The following STK32B variants were observed in gnomAD, a reference collection of about 807,000 sequenced individuals.
STK32B encodes the protein serine/threonine-protein kinase 32B.
Under a neutral mutation model 52.6 loss-of-function variants are expected in STK32B, and 43 were observed. The observed-to-expected ratio is 0.82, with a 90% CI of 0.64 to 1.05. The LOEUF (loss-of-function observed/expected upper bound fraction) is 1.05, where lower values mean the gene tolerates loss of function less well. Ranked by LOEUF, STK32B falls within the 50% of genes least tolerant of loss-of-function variation. The probability of loss-of-function intolerance (pLI) is 0.00; values close to 1 mark genes in which losing one functional copy is unlikely to be tolerated. For synonymous variants in STK32B, 238 were observed against 204.3 expected, an observed-to-expected ratio of 1.17 and a Z score of -1.41; for missense variants, 621 against 534.6, an observed-to-expected ratio of 1.16 and a Z score of -1.59.
intron 3 of STK32B, among the ~76,000 whole-genome samples, chr4:5,280,857 C>T (rs1223572770): frequency 6.6e-6 from 1 of 152,062 alleles, no homozygotes; most frequent in Non-Finnish European, 1.5e-5. Flanking sequence ...CGACATCGTA[C>T]CACTGCACTC....
chr4:5,361,049 T>A (rs1381623336), intron 4 of STK32B, among the ~76,000 whole-genome samples: 1 of 152,218 alleles, frequency 6.6e-6, no homozygotes, highest in Non-Finnish European at 1.5e-5. Context: ...GGGTACTAGG[T>A]ACTTCATATA....
intron 1 of STK32B, among the ~76,000 whole-genome samples, chr4:5,053,920 A>G (rs535619732): frequency 6.6e-6 from 1 of 152,242 alleles, no homozygotes; most frequent in Non-Finnish European, 1.5e-5. Flanking sequence ...CGGAGGTTGC[A>G]GTGAGCTGAG....
At chr4:5,147,667 G>C (rs912639035) in intron 2 of STK32B, among the ~76,000 whole-genome samples, 15 of 151,792 alleles carry the variant, frequency 9.9e-5, no homozygotes, top group African/African-American at 3.4e-4. Flanking sequence ...TTTGTGCATT[G>C]GTTGAAATGA....
intron 3 of STK32B, among the ~76,000 whole-genome samples, chr4:5,327,974 A>G (rs930199660): frequency 6.6e-6 from 1 of 152,206 alleles, no homozygotes; most frequent in Non-Finnish European, 1.5e-5. Context: ...CAGCTTCTCC[A>G]TCAACACCTG....
At chr4:5,210,257 C>T (rs936866061) in intron 3 of STK32B, among the ~76,000 whole-genome samples, 5 of 152,090 alleles carry the variant, frequency 3.3e-5, no homozygotes, top group Non-Finnish European at 1.5e-5. Context: ...TTCTCCTCCT[C>T]CTCCTCCTCA....
At chr4:5,423,050 G>T (rs144339745) in intron 6 of STK32B, among the ~76,000 whole-genome samples, 20 of 152,232 alleles carry the variant, frequency 1.3e-4, no homozygotes, top group African/African-American at 4.8e-4. Context: ...GAGCAGACAG[G>T]GCAAAGCACA....
chr4:5,491,940 C>T (rs894769142), intron 11 of STK32B, among the ~76,000 whole-genome samples: 1 of 152,160 alleles, frequency 6.6e-6, no homozygotes, highest in Non-Finnish European at 1.5e-5. Flanking sequence ...TGATGTATAT[C>T]TCTCTTTTGG....
chr4:5,372,484 A>C (rs1210583412), intron 4 of STK32B, among the ~76,000 whole-genome samples: 2 of 152,136 alleles, frequency 1.3e-5, no homozygotes, highest in East Asian at 3.8e-4. Context: ...TTCACATTCG[A>C]GACACGGCCA....
At chr4:5,444,299 TGTG>T (rs1715147023) in intron 6 of STK32B, among the ~76,000 whole-genome samples, 1 of 152,142 alleles carries the variant, frequency 6.6e-6, no homozygotes, top group Non-Finnish European at 1.5e-5. Context: ...GATATAATCT[TGTG>T]GTGCACCGTT....
intron 3 of STK32B, among the ~76,000 whole-genome samples, chr4:5,251,544 T>C (rs921965896): frequency 1.3e-5 from 2 of 152,164 alleles, no homozygotes; most frequent in Non-Finnish European, 2.9e-5. Flanking sequence ...TTTTGCTTAG[T>C]ATTCCTTAGT....
chr4:5,212,019 C>T (rs941086551), intron 3 of STK32B, among the ~76,000 whole-genome samples: 1 of 152,210 alleles, frequency 6.6e-6, no homozygotes, highest in Non-Finnish European at 1.5e-5. Context: ...ATTCATTCAA[C>T]ACTCGTGCAG....
At chr4:5,156,583 G>A (rs188307848) in intron 2 of STK32B, among the ~76,000 whole-genome samples, 4 of 152,166 alleles carry the variant, frequency 2.6e-5, no homozygotes, top group African/African-American at 9.7e-5. Context: ...GCAGGGCTTC[G>A]TTATTTCTGA....
chr4:5,129,062 C>T (rs982908037), intron 1 of STK32B, among the ~76,000 whole-genome samples: 6 of 152,124 alleles, frequency 3.9e-5, no homozygotes, highest in African/African-American at 9.7e-5. Context: ...GAGGCAAAAT[C>T]GCACACCTAA....
chr4:5,289,503 A>G (rs1728752202), intron 3 of STK32B, among the ~76,000 whole-genome samples: 1 of 152,072 alleles, frequency 6.6e-6, no homozygotes, highest in East Asian at 1.9e-4. Flanking sequence ...ATATATAAAT[A>G]TATAAAGAGG....
intron 2 of STK32B, among the ~76,000 whole-genome samples, chr4:5,165,733 C>T (rs898245211): frequency 1.3e-5 from 2 of 152,184 alleles, no homozygotes; most frequent in African/African-American, 2.4e-5. Flanking sequence ...CCCTGAGGTA[C>T]GTTTGCACGT....
intron 3 of STK32B, among the ~76,000 whole-genome samples, chr4:5,217,316 T>C (rs1414603681): frequency 6.6e-6 from 1 of 152,202 alleles, no homozygotes; most frequent in Non-Finnish European, 1.5e-5. Context: ...ATATTTTCAG[T>C]TCTTCCTTGC....
intron 4 of STK32B, among the ~76,000 whole-genome samples, chr4:5,370,142 T>C (rs1445320554): frequency 6.6e-6 from 1 of 151,700 alleles, no homozygotes; most frequent in African/African-American, 2.4e-5. Flanking sequence ...CCCAAAGTGC[T>C]GGGATTACAG....
chr4:5,329,925 G>A lies in STK32B; in HGVS notation c.261-1295G>A, dbSNP rs138275145. ...GAATTCCCTGTCCTGTAAGCATGTGGTTCTGTTGCCTGTCCTGGGACCAAA... is the reference window on the plus strand; with the variant it reads ...GAATTCCCTGTCCTGTAAGCATGTGATTCTGTTGCCTGTCCTGGGACCAAA... On this transcript the variant is annotated intron_variant, in intron 3 of 11. Coordinates refer to ENST00000282908, the MANE Select transcript of STK32B (RefSeq NM_018401.3). Among the ~76,000 whole-genome samples the A allele has an allele frequency of 2.0e-3, 302 of 152,288 alleles. 2 individuals carry two copies. The highest frequency in any genetic ancestry group is 6.7e-3 in the African/African-American group (277 of 41,564).
chr4:5,486,937 G>C lies in STK32B; in HGVS notation c.1107-12008G>C, dbSNP rs138263681. On this transcript the variant is annotated intron_variant, in intron 11 of 11. Coordinates refer to ENST00000282908, the MANE Select transcript of STK32B (RefSeq NM_018401.3). ...AGATGTTGAGCAGTTAGCAAGTTCT[G>C]ATTGGTAAGTAATAGCAGTGGGCAA... Among the ~76,000 whole-genome samples, 2 of 152,334 alleles carry C rather than the reference G, an allele frequency of 1.3e-5. 1 individual carries two copies. Among genetic ancestry groups the C allele is most frequent in the Non-Finnish European group, 2.9e-5 (2 of 68,022 alleles).
Sources: gnomAD v4.1 joint callset for allele counts (sites outside exome capture counted in the v4.1 genomes callset) on GRCh38, gnomAD v4.1.1 for gene constraint, MANE v1.5 for transcripts, NCBI Gene and HGNC (gene_info 2026-07-23, HGNC 2026-07-21) for gene names.